Variants in UVRAG observed in about 807,000 individuals in gnomAD.
The protein encoded by UVRAG is UV radiation resistance associated, also known as UV radiation resistance-associated gene protein.
UVRAG carries 19 observed loss-of-function variants against 78.0 expected under a neutral mutation model. That is an observed-to-expected ratio of 0.24 (90% CI 0.17 to 0.36). UVRAG has a LOEUF of 0.36. Among genes scored for constraint, UVRAG ranks in the 10% least tolerant of loss-of-function variants. The pLI, the probability that UVRAG is intolerant of heterozygous loss-of-function variation, is 1.00. For synonymous variants in UVRAG, 323 were observed against 324.6 expected (o/e 1.00, Z 0.05); for missense variants, 740 against 853.8 (o/e 0.87, Z 1.66).
In UVRAG at chr11:76,120,965, C is replaced by A. The variant is rs115928020; in HGVS notation, c.1397+4950C>A. On this transcript the variant is annotated intron_variant, in intron 14 of 14. Transcript: ENST00000356136. Reference sequence around the variant, plus strand: ...ACTTCCATTTTCTGTGTGGTTGTTACCATTCACAGATTGGTCCCTGTGGAG... The same window carrying A: ...ACTTCCATTTTCTGTGTGGTTGTTAACATTCACAGATTGGTCCCTGTGGAG... Among the ~76,000 whole-genome samples the A allele has an allele frequency of 9.5e-3, 1,448 of 152,250 alleles. 25 individuals are homozygous for A. The highest frequency in any genetic ancestry group is 0.033 in the African/African-American group (1,366 of 41,524).
chr11:75,880,906 T>C (rs939343151), intron 4 of UVRAG, among the ~76,000 whole-genome samples: 3 of 151,110 alleles, frequency 2.0e-5, no homozygotes, highest in African/African-American at 4.8e-5. Flanking sequence ...ATATTTTCTT[T>C]CTTCCTTTCT....
At chr11:76,119,122 C>T (rs1952233337) in intron 14 of UVRAG, among the ~76,000 whole-genome samples, 1 of 152,118 alleles carries the variant, frequency 6.6e-6, no homozygotes, top group Non-Finnish European at 1.5e-5. Flanking sequence ...TTGGTGCCTA[C>T]CGAATTCTAA....
chr11:76,076,351 A>C (rs1325723098), intron 13 of UVRAG, among the ~76,000 whole-genome samples: 5 of 152,216 alleles, frequency 3.3e-5, no homozygotes, highest in African/African-American at 1.2e-4. Flanking sequence ...GTAGAAGGCA[A>C]AGTAGAAGCA....
intron 6 of UVRAG, among the ~76,000 whole-genome samples, chr11:75,954,234 G>A (rs570666254): frequency 6.6e-6 from 1 of 152,298 alleles, no homozygotes; most frequent in East Asian, 1.9e-4. Flanking sequence ...TGTGTTTTAA[G>A]CCCCTAAGGT....
intron 13 of UVRAG, among the ~76,000 whole-genome samples, chr11:76,094,341 A>T (rs1331961492): frequency 6.6e-6 from 1 of 152,196 alleles, no homozygotes; most frequent in East Asian, 1.9e-4. Context: ...ACTCTCTGCC[A>T]GGCTTTGCTA....
chr11:75,959,804 G>A (rs1948875387), intron 6 of UVRAG, among the ~76,000 whole-genome samples: 1 of 152,146 alleles, frequency 6.6e-6, no homozygotes, highest in South Asian at 2.1e-4. Flanking sequence ...GATTTAAAGT[G>A]AGAGACATAG....
intron 13 of UVRAG, among the ~76,000 whole-genome samples, chr11:76,079,568 G>C (rs1306497253): frequency 1.3e-5 from 2 of 152,076 alleles, no homozygotes; most frequent in African/African-American, 4.8e-5. Context: ...AAAATATTCA[G>C]AGATTTATGG....
intron 7 of UVRAG, among the ~76,000 whole-genome samples, chr11:75,976,131 GT>G (rs1234201179): frequency 2.0e-4 from 30 of 152,272 alleles, no homozygotes; most frequent in African/African-American, 7.0e-4. Flanking sequence ...TAATCATGTG[GT>G]TTTTGTCTTT....
Position 75,901,930 on chromosome 11 carries a change from G to C in UVRAG, c.508-10024G>C, listed in dbSNP as rs549874996. ...GGATAGATCCCTTTTATATGCTTCC[G>C]TAGCACCTTGTATTACATTTCCCTC... On this transcript the variant is annotated intron_variant, in intron 5 of 14. Transcript: ENST00000356136. Among the ~76,000 whole-genome samples the C allele has an allele frequency of 4.6e-5, 7 of 152,168 alleles. 1 individual carries two copies. The highest frequency in any genetic ancestry group is 4.6e-4 in the Admixed American group (7 of 15,296).
At chr11:76,028,908 G>C (rs772262741) in intron 12 of UVRAG, among the ~76,000 whole-genome samples, 4 of 152,126 alleles carry the variant, frequency 2.6e-5, no homozygotes, top group Admixed American at 2.0e-4. Context: ...AGATTTTCAA[G>C]GTAGACAAAA....
At chr11:75,888,308 T>C (rs947134384) in intron 4 of UVRAG, among the ~76,000 whole-genome samples, 8 of 151,938 alleles carry the variant, frequency 5.3e-5, no homozygotes, top group African/African-American at 1.7e-4. Context: ...TAATATTTTT[T>C]ATTGTTATTG....
chr11:75,906,760 G>A (rs1292958314), intron 5 of UVRAG, among the ~76,000 whole-genome samples: 1 of 152,150 alleles, frequency 6.6e-6, no homozygotes, highest in Admixed American at 6.5e-5. Flanking sequence ...AGTTTTTTTA[G>A]CACCATTTGA....
chr11:76,082,308 A>AATCCC (rs1343159753), intron 13 of UVRAG, among the ~76,000 whole-genome samples: 1 of 152,180 alleles, frequency 6.6e-6, no homozygotes, highest in Non-Finnish European at 1.5e-5. Context: ...TGGGAGGCCG[A>AATCCC]GGCGGGCAGA....
At chr11:76,044,157 G>A (rs1950701203) in intron 12 of UVRAG, among the ~76,000 whole-genome samples, 1 of 152,068 alleles carries the variant, frequency 6.6e-6, no homozygotes, top group African/African-American at 2.4e-5. Context: ...ACAGGAAGTG[G>A]GCATTCCTCC....
intron 14 of UVRAG, among the ~76,000 whole-genome samples, chr11:76,140,343 G>A (rs1952692968): frequency 6.6e-6 from 1 of 151,920 alleles, no homozygotes; most frequent in Admixed American, 6.6e-5. Context: ...ATGAGATTAT[G>A]GATAGCCCTT....
At chr11:75,970,062 AATG>A (rs894889402) in intron 7 of UVRAG, among the ~76,000 whole-genome samples, 1 of 152,232 alleles carries the variant, frequency 6.6e-6, no homozygotes, top group African/African-American at 2.4e-5. Context: ...TGTCATAAAA[AATG>A]ATGAAAAGTG....
chr11:76,017,226 A>G (rs1950164805), intron 12 of UVRAG, among the ~76,000 whole-genome samples: 1 of 152,158 alleles, frequency 6.6e-6, no homozygotes, highest in Non-Finnish European at 1.5e-5. Flanking sequence ...AGTTTCATTT[A>G]CTTTCTTCTT....
intron 13 of UVRAG, among the ~76,000 whole-genome samples, chr11:76,091,281 C>G (rs939273069): frequency 3.3e-5 from 5 of 151,922 alleles, no homozygotes; most frequent in Non-Finnish European, 7.4e-5. Context: ...TTTGCTTTGC[C>G]TTGCTTTTTA....
At chr11:75,836,167 G>T (rs1945771545) in intron 1 of UVRAG, among the ~76,000 whole-genome samples, 1 of 151,976 alleles carries the variant, frequency 6.6e-6, no homozygotes, top group Non-Finnish European at 1.5e-5. Flanking sequence ...AAAGGACCTT[G>T]AAGGTCATCT....
Sources: gnomAD v4.1 joint callset for allele counts (sites outside exome capture counted in the v4.1 genomes callset) on GRCh38, gnomAD v4.1.1 for gene constraint, MANE v1.5 for transcripts, NCBI Gene and HGNC (gene_info 2026-07-23, HGNC 2026-07-21) for gene names.